FZD6: variants seen among roughly 807,000 people sequenced by gnomAD.
FZD6 encodes the protein frizzled-6.
A neutral mutation model predicts 61.4 loss-of-function variants in FZD6; 49 were observed. The observed-to-expected ratio is 0.80, with a 90% CI of 0.63 to 1.01. The LOEUF (loss-of-function observed/expected upper bound fraction) is 1.01, where lower values mean the gene tolerates loss of function less well. Among genes scored for constraint, FZD6 ranks in the 50% least tolerant of loss-of-function variants. The pLI, the probability that FZD6 is intolerant of heterozygous loss-of-function variation, is 0.00. For synonymous variants in FZD6, 265 were observed against 292.2 expected (o/e 0.91, Z 0.95); for missense variants, 724 against 848.2 (o/e 0.85, Z 1.82).
chr8:103,323,239 A>G (rs1814844405), intron 3 of FZD6, among the ~76,000 whole-genome samples: 1 of 152,172 alleles, frequency 6.6e-6, no homozygotes, highest in African/African-American at 2.4e-5. Context: ...AGAAGGAACT[A>G]AGACCAGAAA....
intron 2 of FZD6, among the ~76,000 whole-genome samples, chr8:103,306,515 T>TC (rs1203065932): frequency 7.1e-6 from 1 of 141,572 alleles, no homozygotes; most frequent in African/African-American, 2.6e-5. Context: ...TTTTTTTTTT[T>TC]TTTTTTGAGA....
intron 3 of FZD6, among the ~76,000 whole-genome samples, chr8:103,324,245 T>A (rs1014901433): frequency 6.6e-6 from 1 of 152,170 alleles, no homozygotes; most frequent in East Asian, 1.9e-4. Flanking sequence ...ATTTTCATGT[T>A]CACCTGCTTT....
At chr8:103,314,762 T>G (rs1218935622) in intron 2 of FZD6, among the ~76,000 whole-genome samples, 4 of 152,228 alleles carry the variant, frequency 2.6e-5, no homozygotes, top group African/African-American at 9.6e-5. Flanking sequence ...ATTTACCTAT[T>G]AATTTTTGTC....
intron 2 of FZD6, 49 bp downstream of exon 2, chr8:103,300,333 T>C (rs761443232): frequency 8.4e-7 from 1 of 1,183,622 alleles, no homozygotes; most frequent in Non-Finnish European, 1.3e-6. Flanking sequence ...TGCTCTGTTC[T>C]AGAATAAACT....
At chr8:103,307,802 A>G (rs56136557) in intron 2 of FZD6, 32,259 of 455,818 alleles carry the variant, frequency 0.071, 1,953 homozygotes, top group African/African-American at 0.22. Context: ...AGTAGCAGGT[A>G]GCTCATAGAA....
At chr8:103,314,557 T>A (rs1814580478) in intron 2 of FZD6, among the ~76,000 whole-genome samples, 2 of 152,126 alleles carry the variant, frequency 1.3e-5, no homozygotes, top group Admixed American at 1.3e-4. Flanking sequence ...TCTCAGAGCA[T>A]CATTCAAATA....
intron 2 of FZD6, among the ~76,000 whole-genome samples, chr8:103,315,725 A>AT (rs1211683804): frequency 5.9e-5 from 9 of 152,206 alleles, no homozygotes; most frequent in African/African-American, 2.2e-4. Context: ...AACTTATCAA[A>AT]TTGTACACTT....
intron 2 of FZD6, among the ~76,000 whole-genome samples, chr8:103,313,132 T>C (rs1814542558): frequency 6.6e-6 from 1 of 152,140 alleles, no homozygotes; most frequent in South Asian, 2.1e-4. Context: ...ACAAGTTACT[T>C]AACCTCTCAG....
chr8:103,329,546 C>A, intron 5 of FZD6, 109 bp from the exon 6 acceptor site: 1 of 721,384 alleles, frequency 1.4e-6, no homozygotes, highest in Non-Finnish European at 2.3e-6. Flanking sequence ...GAATTTTCAA[C>A]TTTAGTGACT....
At chr8:103,315,112 C>G (rs186613234) in intron 2 of FZD6, among the ~76,000 whole-genome samples, 1 of 152,106 alleles carries the variant, frequency 6.6e-6, no homozygotes, top group Non-Finnish European at 1.5e-5. Context: ...CCTTTTCTTT[C>G]ATTTCAATGG....
chr8:103,317,569 T>C (rs1290965779), intron 2 of FZD6, among the ~76,000 whole-genome samples: 3 of 151,872 alleles, frequency 2.0e-5, no homozygotes, highest in Non-Finnish European at 2.9e-5. Flanking sequence ...GCCAACAGGA[T>C]TTGCTGATGG....
Position 103,325,390 on chromosome 8 carries a change from A to G in FZD6, c.1284A>G (p.Leu428=). 1 of 1,613,736 alleles carries G rather than the reference A, an allele frequency of 6.2e-7. No homozygotes were observed. The highest frequency in any genetic ancestry group is 8.5e-7 in the Non-Finnish European group (1 of 1,179,632). The part of the protein sequence containing the change: ...GVFSGLYLVP[L]VTLLGCYVYE... Reference sequence around the variant, plus strand: ...TCAGCGGCTTGTATCTTGTGCCATTAGTGACACTTCTCGGATGTTACGTCT... The same window carrying G: ...TCAGCGGCTTGTATCTTGTGCCATTGGTGACACTTCTCGGATGTTACGTCT... Residue 428 remains leucine (L), a synonymous_variant, in exon 4 of 7, where the codon TTA becomes TTG. Transcript: ENST00000358755.
At chr8:103,303,598 A>AAAGGTAGGATTTTATGTCCCAAT (rs1814235467) in intron 2 of FZD6, among the ~76,000 whole-genome samples, 1 of 152,200 alleles carries the variant, frequency 6.6e-6, no homozygotes, top group Admixed American at 6.5e-5. Flanking sequence ...AAATAAAGAA[A>AAAGGTAGGATTTTATGTCCCAAT]AAGGTAGGAT....
Position 103,324,676 on chromosome 8 carries a change from T to A in FZD6, c.570T>A (p.Phe190Leu), listed in dbSNP as rs749679944. ...QCAPPCPNMY[F>L]KSDELEFAKS... ...CGCCTCCATGCCCCAACATGTATTT[T>A]AAAAGTGATGAGCTAGAGTTTGCAA... The change falls in exon 4 of 7, where the codon TTT (phenylalanine) becomes TTA (leucine). Residue 190 changes from phenylalanine to leucine, a missense_variant. By Grantham distance (22) the Phe-to-Leu change is conservative. Transcript: ENST00000358755. 1 of 1,614,102 alleles carries A rather than the reference T, an allele frequency of 6.2e-7. No individual in the cohort carries two copies. Among genetic ancestry groups the A allele is most frequent in the East Asian group, 2.2e-5 (1 of 44,884 alleles).
intron 2 of FZD6, among the ~76,000 whole-genome samples, chr8:103,307,409 T>C (rs1814368786): frequency 6.6e-6 from 1 of 152,206 alleles, no homozygotes; most frequent in South Asian, 2.1e-4. Context: ...AATAAATATT[T>C]GAAGCACTGT....
intron 2 of FZD6, among the ~76,000 whole-genome samples, chr8:103,308,949 C>T (rs1030899505): frequency 6.6e-6 from 1 of 152,174 alleles, no homozygotes; most frequent in Non-Finnish European, 1.5e-5. Context: ...TCTATGGCCT[C>T]ATCAGCTTTA....
At position 103,328,416 on chromosome 8, in the gene FZD6, A is replaced by G. The variant is rs761539526; in HGVS notation, c.1541A>G (p.Asp514Gly). The G allele has an allele frequency of 1.6e-5, 25 of 1,607,344 alleles. No individual in the cohort carries two copies. The highest frequency in any genetic ancestry group is 2.1e-5 in the Non-Finnish European group (25 of 1,174,032). ...AGFFKRNRKRDPISESRRVLQ... is the reference protein window; with the variant it reads ...AGFFKRNRKRGPISESRRVLQ... ...TTTTTTAAACGAAATCGCAAGAGAG[A>G]GTAAGAAACTATTGAATTGTCTGAC... Residue 514 changes from aspartate (D) to glycine (G), a missense_variant and splice_region_variant, in exon 5 of 7, where the codon GAT becomes GGT. Coordinates refer to ENST00000358755, the MANE Select transcript of FZD6 (RefSeq NM_003506.4).
chr8:103,307,482 T>C (rs1814371626), intron 2 of FZD6, among the ~76,000 whole-genome samples: 1 of 152,214 alleles, frequency 6.6e-6, no homozygotes, highest in African/African-American at 2.4e-5. Context: ...ATTTATATTC[T>C]AGTGGAGGGA....
intron 2 of FZD6, among the ~76,000 whole-genome samples, chr8:103,308,971 A>G (rs1814419450): frequency 6.6e-6 from 1 of 152,172 alleles, no homozygotes; most frequent in Non-Finnish European, 1.5e-5. Context: ...GTCTTTGATA[A>G]GTTAGATTAG....
Sources: gnomAD v4.1 joint callset for allele counts (sites outside exome capture counted in the v4.1 genomes callset) on GRCh38, gnomAD v4.1.1 for gene constraint, MANE v1.5 for transcripts, NCBI Gene and HGNC (gene_info 2026-07-23, HGNC 2026-07-21) for gene names.